DACH1: variants seen among roughly 807,000 people sequenced by gnomAD.
DACH1 encodes dachshund homolog 1.
DACH1 carries 12 observed loss-of-function variants against 54.2 expected under a neutral mutation model. The observed-to-expected ratio is 0.22, with a 90% CI of 0.14 to 0.36. The LOEUF (loss-of-function observed/expected upper bound fraction) is 0.36, where lower values mean the gene tolerates loss of function less well. Ranked by LOEUF, DACH1 falls within the 10% of genes least tolerant of loss-of-function variation. The pLI is 1.00. For synonymous variants in DACH1, 386 were observed against 366.2 expected (o/e 1.05, Z -0.62); for missense variants, 805 against 929.8 (o/e 0.87, Z 1.75).
chr13:71,776,789 A>G (rs2138050816), intron 1 of DACH1, among the ~76,000 whole-genome samples: 1 of 151,990 alleles, frequency 6.6e-6, no homozygotes, highest in Admixed American at 6.6e-5. Context: ...CCCCAAATAA[A>G]CCCTGCTGTT....
chr13:71,832,651 T>C (rs1888637297), intron 1 of DACH1, among the ~76,000 whole-genome samples: 1 of 151,932 alleles, frequency 6.6e-6, no homozygotes, highest in Admixed American at 6.6e-5. Flanking sequence ...TTTGTTATTA[T>C]AGAAGAGGAA....
chr13:71,823,511 C>T (rs1185238829), intron 1 of DACH1, among the ~76,000 whole-genome samples: 1 of 152,006 alleles, frequency 6.6e-6, no homozygotes, highest in Non-Finnish European at 1.5e-5. Flanking sequence ...TCTGGTATTA[C>T]AATCCAAATC....
intron 1 of DACH1, among the ~76,000 whole-genome samples, chr13:71,694,937 C>A (rs915940731): frequency 1.3e-5 from 2 of 151,904 alleles, no homozygotes; most frequent in African/African-American, 4.8e-5. Flanking sequence ...ATACTATTTC[C>A]ATTTTATAAG....
intron 1 of DACH1, among the ~76,000 whole-genome samples, chr13:71,703,046 G>C (rs561509244): frequency 3.9e-5 from 6 of 152,212 alleles, no homozygotes; most frequent in African/African-American, 1.2e-4. Context: ...TTTTTAAACT[G>C]TTCTCTTTTT....
At chr13:71,822,428 G>A (rs762908140) in intron 1 of DACH1, among the ~76,000 whole-genome samples, 22 of 152,120 alleles carry the variant, frequency 1.4e-4, no homozygotes, top group Admixed American at 3.9e-4. Flanking sequence ...AGTGCAAGAT[G>A]AGCATTCCTT....
At chr13:71,664,519 T>C (rs7989389) in intron 2 of DACH1, among the ~76,000 whole-genome samples, 2,009 of 152,072 alleles carry the variant, frequency 0.013, 38 homozygotes, top group African/African-American at 0.045. Context: ...ACAATTGTTA[T>C]AGATGCAATG....
At chr13:71,704,312 C>A in intron 1 of DACH1, 2 of 371,424 alleles carry the variant, frequency 5.4e-6, no homozygotes, top group Non-Finnish European at 1.0e-5. Flanking sequence ...CAAGAGAATG[C>A]GTACTGTTCA....
At position 71,867,156 on chromosome 13, in the gene DACH1, A is replaced by T; in HGVS notation, c.-387T>A. On this transcript the variant is annotated 5_prime_UTR_variant, in exon 1 of 11. Coordinates refer to ENST00000613252, the MANE Select transcript of DACH1 (RefSeq NM_080759.6). ...AGGTGAAAAGGAGGAGGTTTGAAGGACTTGGGCTCTCCCTGGCAAGTACAT... is the reference window on the plus strand; with the variant it reads ...AGGTGAAAAGGAGGAGGTTTGAAGGTCTTGGGCTCTCCCTGGCAAGTACAT... The T allele has an allele frequency of 5.6e-6, 1 of 177,178 alleles. No individual in the cohort carries two copies. Among genetic ancestry groups the T allele is most frequent in the Non-Finnish European group, 1.2e-5 (1 of 84,820 alleles). 11.0% of individuals were successfully genotyped at this position (177,178 alleles called of 1,614,324 possible). A position where few individuals can be genotyped will look rare whatever the true frequency, so the allele number is the denominator to read the frequency against.
intron 1 of DACH1, among the ~76,000 whole-genome samples, chr13:71,802,262 A>C (rs1887317230): frequency 6.6e-6 from 1 of 151,820 alleles, no homozygotes; most frequent in Admixed American, 6.6e-5. Flanking sequence ...GATCGATTTA[A>C]ATTTAGCCTA....
At chr13:71,526,577 A>G (rs1881973725) in intron 6 of DACH1, among the ~76,000 whole-genome samples, 1 of 152,032 alleles carries the variant, frequency 6.6e-6, no homozygotes, top group Admixed American at 6.5e-5. Context: ...GAATTAGTGC[A>G]TGTAACTTTA....
intron 1 of DACH1, among the ~76,000 whole-genome samples, chr13:71,863,061 A>T (rs1269996265): frequency 6.6e-6 from 1 of 152,152 alleles, no homozygotes; most frequent in Non-Finnish European, 1.5e-5. Context: ...CAATACATCT[A>T]GGTGAATAAA....
intron 10 of DACH1, among the ~76,000 whole-genome samples, chr13:71,443,364 G>A (rs1480751403): frequency 1.3e-5 from 2 of 151,818 alleles, no homozygotes; most frequent in Non-Finnish European, 2.9e-5. Flanking sequence ...GAGGCTGAGC[G>A]GGGAGGACTG....
chr13:71,864,833 TGC>T (rs1360116927), intron 1 of DACH1, among the ~76,000 whole-genome samples: 3 of 150,642 alleles, frequency 2.0e-5, no homozygotes, highest in Non-Finnish European at 4.4e-5. Context: ...GCCTCCTCCG[TGC>T]GCGCGCTTTG....
intron 1 of DACH1, among the ~76,000 whole-genome samples, chr13:71,711,346 A>G (rs1370705536): frequency 6.6e-6 from 1 of 152,190 alleles, no homozygotes; most frequent in Non-Finnish European, 1.5e-5. Flanking sequence ...AGGTCTCCAC[A>G]GACTCTTCTC....
At chr13:71,776,116 A>C (rs990344473) in intron 1 of DACH1, among the ~76,000 whole-genome samples, 3 of 152,144 alleles carry the variant, frequency 2.0e-5, no homozygotes, top group Non-Finnish European at 4.4e-5. Flanking sequence ...TTAAGCAGTA[A>C]TTTGACCAAA....
intron 1 of DACH1, among the ~76,000 whole-genome samples, chr13:71,820,730 T>G (rs1888153227): frequency 1.3e-5 from 2 of 152,168 alleles, no homozygotes; most frequent in Admixed American, 1.3e-4. Flanking sequence ...TAGAAATCTT[T>G]TGTAATAAAC....
intron 1 of DACH1, among the ~76,000 whole-genome samples, chr13:71,793,280 C>A (rs1176767521): frequency 6.6e-6 from 1 of 152,156 alleles, no homozygotes; most frequent in Non-Finnish European, 1.5e-5. Context: ...AAGAACTGAA[C>A]TTCTAATATT....
At chr13:71,667,778 G>A (rs184314645) in intron 2 of DACH1, among the ~76,000 whole-genome samples, 18 of 152,190 alleles carry the variant, frequency 1.2e-4, no homozygotes, top group Non-Finnish European at 7.4e-5. Context: ...TAAAGGTTAG[G>A]TATGATGAGA....
chr13:71,727,635 G>A (rs548345632), intron 1 of DACH1, among the ~76,000 whole-genome samples: 31 of 152,204 alleles, frequency 2.0e-4, no homozygotes, highest in African/African-American at 7.0e-4. Flanking sequence ...ATAAAGAGCT[G>A]AAAATGAGGA....
Sources: allele counts gnomAD v4.1 joint callset (sites outside exome capture counted in the v4.1 genomes callset), GRCh38; gene constraint gnomAD v4.1.1; transcripts MANE v1.5; gene names NCBI Gene and HGNC (gene_info 2026-07-23, HGNC 2026-07-21).